RERGL: variants seen among roughly 807,000 people sequenced by gnomAD.
The protein encoded by RERGL is RERG like.
RERGL carries 22 observed loss-of-function variants against 24.7 expected under a neutral mutation model. That is an observed-to-expected ratio of 0.89 (90% confidence interval 0.64 to 1.27). RERGL has a LOEUF of 1.27. Ranked by LOEUF, RERGL falls within the 50% of genes most tolerant of loss-of-function variation. The pLI, the probability that RERGL is intolerant of heterozygous loss-of-function variation, is 0.00. For missense variants in RERGL, 259 were observed against 235.3 expected (o/e 1.10, Z -0.66); for synonymous variants, 76 against 82.6 (o/e 0.92, Z 0.43).
intron 1 of RERGL, chr12:18,089,358 A>G: frequency 7.0e-7 from 1 of 1,433,306 alleles, no homozygotes; most frequent in East Asian, 2.6e-5. Context: ...ACTACCAAGT[A>G]TTTGCAGTTA....
At chr12:18,086,633 C>A (rs975221064) in intron 2 of RERGL, among the ~76,000 whole-genome samples, 3 of 151,842 alleles carry the variant, frequency 2.0e-5, no homozygotes, top group African/African-American at 7.3e-5. Context: ...TTTTTGTTCA[C>A]CTCTCCCCGC....
intron 2 of RERGL, 138 bp downstream of exon 2, chr12:18,088,762 A>G (rs12425556): frequency 2.9e-6 from 2 of 679,964 alleles, no homozygotes; most frequent in Non-Finnish European, 5.2e-6. Context: ...GGCAGTTCTA[A>G]TCAGAATATG....
rs576765194 is a variant in RERGL at position 18,088,992 on chromosome 12, A to G, written c.53-36T>C. ...AACAATCTAGATTTAGGGCTGTTAT[A>G]TTTTAGGAAACAGCTAATTTGGTTA... is the stretch of plus-strand genomic sequence containing the variant. On this transcript the variant is annotated intron_variant, in intron 1 of 4. Coordinates refer to ENST00000538724, the MANE Select transcript of RERGL (RefSeq NM_001286201.2). The G allele has an allele frequency of 2.0e-6, 3 of 1,534,748 alleles. No individual in the cohort carries two copies. The African/African-American group carries it at 4.1e-5, about 21-fold the overall frequency.
chr12:18,085,744 A>T, intron 2 of RERGL, 51 bp from the exon 3 acceptor site: 1 of 1,015,232 alleles, frequency 9.8e-7, no homozygotes, highest in South Asian at 1.4e-5. Flanking sequence ...CCAAACGTGA[A>T]CTGATAAATT....
At chr12:18,082,519 A>G (rs189670169) in intron 4 of RERGL, among the ~76,000 whole-genome samples, 1 of 152,300 alleles carries the variant, frequency 6.6e-6, no homozygotes, top group African/African-American at 2.4e-5. Flanking sequence ...AATCCTCCTC[A>G]CACAGAATTC....
chr12:18,081,336 G>A lies in RERGL; in HGVS notation c.470C>T (p.Ser157Phe). The change falls in exon 5 of 5, where the codon TCT (serine) becomes TTT (phenylalanine). Residue 157 changes from serine to phenylalanine, a missense_variant. Physicochemically the swap from Ser to Phe is radical, Grantham distance 155. Transcript: ENST00000538724. Reference protein sequence around the residue: ...QFCELSAAEQSLEVEMMFIRI... With the variant: ...QFCELSAAEQFLEVEMMFIRI... Reference sequence around the variant, plus strand: ...GATAAACATCATTTCCACCTCCAGAGACTGCTCTGCTGCAGACAGTTCACA... The same window carrying A: ...GATAAACATCATTTCCACCTCCAGAAACTGCTCTGCTGCAGACAGTTCACA... 3.1e-6 allele frequency: 5 copies of A among 1,614,078 alleles called. No individual in the cohort carries two copies. The highest frequency in any genetic ancestry group is 4.2e-6 in the Non-Finnish European group (5 of 1,180,002).
chr12:18,088,948 C>A lies in RERGL; in HGVS notation c.61G>T (p.Val21Leu), dbSNP rs142545141. 5.0e-5 allele frequency: 81 copies of A among 1,609,710 alleles called. No individual in the cohort carries two copies. Among genetic ancestry groups the A allele is most frequent in the Non-Finnish European group, 6.8e-5 (80 of 1,176,456 alleles). Residue 21 changes from valine (V) to leucine (L), a missense_variant, in exon 2 of 5, where the codon GTG (valine) becomes TTG (leucine). Coordinates refer to ENST00000538724, the MANE Select transcript of RERGL (RefSeq NM_001286201.2). ...ATGAATCGCTTAGTAAGAAACCTCA[C>A]TGTAAGGGCTGCAAAGCAAACAATC... is the stretch of plus-strand genomic sequence containing the variant. The part of the protein sequence containing the change: ...GEGTGKSALT[V>L]RFLTKRFIGE...
rs1423566331 is a variant in RERGL at position 18,081,225 on chromosome 12, T to C, written c.581A>G (p.Asn194Ser). ...SGSKSMAKLI[N>S]NVFGKRRKSV ...TTTCCTTCTCTTTCCAAATACATTA[T>C]TGATCAATTTGGCCATTGATTTAGA... The change falls in exon 5 of 5, where the codon AAT becomes AGT. Residue 194 changes from asparagine (N) to serine (S), a missense_variant. Transcript: ENST00000538724. 6 of 1,608,414 alleles carry C rather than the reference T, an allele frequency of 3.7e-6. No individual in the cohort carries two copies. The African/African-American group carries it at 6.7e-5, about 18-fold the overall frequency.
At chr12:18,086,620 CT>C (rs1178515479) in intron 2 of RERGL, among the ~76,000 whole-genome samples, 2 of 152,006 alleles carry the variant, frequency 1.3e-5, no homozygotes, top group Admixed American at 6.5e-5. Flanking sequence ...CCGTCTTAAT[CT>C]TTTTTTGTTC....
chr12:18,085,593 A>AT, intron 3 of RERGL, 27 bp downstream of exon 3: 1 of 1,341,098 alleles, frequency 7.5e-7, no homozygotes, highest in Non-Finnish European at 1.1e-6. Flanking sequence ...AAATAAATCA[A>AT]TAAAAAAGGT....
At chr12:18,081,729 T>C (rs1040087565) in intron 4 of RERGL, among the ~76,000 whole-genome samples, 1 of 152,172 alleles carries the variant, frequency 6.6e-6, no homozygotes, top group East Asian at 1.9e-4. Context: ...CATGGACCTA[T>C]TATTGAATTC....
chr12:18,082,963 G>T (rs746838424), intron 4 of RERGL, among the ~76,000 whole-genome samples: 11 of 152,032 alleles, frequency 7.2e-5, no homozygotes, highest in Admixed American at 1.3e-4. Flanking sequence ...GCTTTAAATG[G>T]CATAGAACAC....
chr12:18,082,318 A>ATAG (rs1947182060), intron 4 of RERGL, among the ~76,000 whole-genome samples: 1 of 152,100 alleles, frequency 6.6e-6, no homozygotes, highest in African/African-American at 2.4e-5. Context: ...AACAACACAC[A>ATAG]ATGGTGCCTA....
chr12:18,086,950 T>C (rs1400395376), intron 2 of RERGL, among the ~76,000 whole-genome samples: 2 of 152,166 alleles, frequency 1.3e-5, no homozygotes, highest in Non-Finnish European at 2.9e-5. Flanking sequence ...TATCCATAAC[T>C]CCAGCTTCTC....
Position 18,088,282 on chromosome 12 carries a change from A to G in RERGL, c.109+618T>C, listed in dbSNP as rs138713979. Among the ~76,000 whole-genome samples, 384 of 152,136 alleles carry G rather than the reference A, an allele frequency of 2.5e-3. 2 individuals carry two copies. Among genetic ancestry groups the G allele is most frequent in the African/African-American group, 8.3e-3 (343 of 41,552 alleles). Reference sequence around the variant, plus strand: ...AAAATATGCTCAAAATTATGGCAAAATTTCTCACTTTTTGTGTTGTACTAT... The same window carrying G: ...AAAATATGCTCAAAATTATGGCAAAGTTTCTCACTTTTTGTGTTGTACTAT... On this transcript the variant is annotated intron_variant, in intron 2 of 4. Transcript: ENST00000538724.
rs1374712985 is a variant in RERGL at position 18,081,303 on chromosome 12, A to T, written c.503T>A (p.Ile168Asn). Residue 168 changes from isoleucine (I) to asparagine (N), a missense_variant, in exon 5 of 5, where the codon ATC becomes AAC. Transcript: ENST00000538724. Reference protein sequence around the residue: ...LEVEMMFIRIIKDILINFKLK... With the variant: ...LEVEMMFIRINKDILINFKLK... ...TTTGAAGTTTATCAGGATGTCCTTG[A>T]TAATTCTGATAAACATCATTTCCAC... 1 of 1,613,780 alleles carries T rather than the reference A, an allele frequency of 6.2e-7. No homozygotes were observed. Among genetic ancestry groups the T allele is most frequent in the Non-Finnish European group, 8.5e-7 (1 of 1,179,958 alleles).
In RERGL at chr12:18,084,708, C is replaced by T. The variant is rs368792711; in HGVS notation, c.184-43G>A. 17 of 1,565,546 alleles carry T rather than the reference C, an allele frequency of 1.1e-5. No homozygotes were observed. The Middle Eastern group carries it at 6.8e-4, about 63-fold the overall frequency. On this transcript the variant is annotated intron_variant, in intron 3 of 4. Coordinates refer to ENST00000538724, the MANE Select transcript of RERGL (RefSeq NM_001286201.2). ...GCATTAAAAGTGGTGGGATCTAATA[C>T]CTGTGTTTTTATACTTTAAACAGTT...
Position 18,084,613 on chromosome 12 carries a change from A to C in RERGL, c.236T>G (p.Phe79Cys). The C allele has an allele frequency of 6.2e-7, 1 of 1,612,626 alleles. No homozygotes were observed. The highest frequency in any genetic ancestry group is 8.5e-7 in the Non-Finnish European group (1 of 1,179,426). Residue 79 changes from phenylalanine to cysteine, a missense_variant, in exon 4 of 5, where the codon TTT (phenylalanine) becomes TGT (cysteine). Phe to Cys is a radical substitution (Grantham distance 205, BLOSUM62 -2). Coordinates refer to ENST00000538724, the MANE Select transcript of RERGL (RefSeq NM_001286201.2). ...LTSELHWADG[F>C]VIVYDISDRS... is the part of the protein sequence containing the mutation. Reference sequence around the variant, plus strand: ...ATCACTGATGTCATACACAATAACAAACCCATCTGCCCAGTGAAGCTCACT... The same window carrying C: ...ATCACTGATGTCATACACAATAACACACCCATCTGCCCAGTGAAGCTCACT...
At position 18,081,118 on chromosome 12, in the gene RERGL, A is replaced by G; in HGVS notation, c.*73T>C. 7.2e-7 allele frequency: 1 copy of G among 1,385,262 alleles called. No individual in the cohort carries two copies. Among genetic ancestry groups the G allele is most frequent in the Non-Finnish European group, 9.7e-7 (1 of 1,025,988 alleles). The allele number at this position is 1,385,262 out of a possible 1,614,324, so 85.8% of individuals were successfully genotyped here. A position where few individuals can be genotyped will look rare whatever the true frequency, so the allele number is the denominator to read the frequency against. ...TTTTTACCAAAAAAAAATTGCATAC[A>G]AAGGTTAGTTTAATTATCATGTGAA... is the stretch of plus-strand genomic sequence containing the variant. On this transcript the variant is annotated 3_prime_UTR_variant, in exon 5 of 5. Coordinates refer to ENST00000538724, the MANE Select transcript of RERGL (RefSeq NM_001286201.2).
Sources: gnomAD v4.1 joint callset for allele counts (sites outside exome capture counted in the v4.1 genomes callset) on GRCh38, gnomAD v4.1.1 for gene constraint, MANE v1.5 for transcripts, NCBI Gene and HGNC (gene_info 2026-07-23, HGNC 2026-07-21) for gene names.